RHAG: variants seen among roughly 807,000 people sequenced by gnomAD.
RHAG encodes Rh associated glycoprotein.
A neutral mutation model predicts 42.4 loss-of-function variants in RHAG; 25 were observed. The observed-to-expected ratio is 0.59, with a 90% CI of 0.43 to 0.82. The LOEUF (loss-of-function observed/expected upper bound fraction) is 0.82. Ranked by LOEUF, RHAG falls within the 40% of genes least tolerant of loss-of-function variation. RHAG has a pLI of 0.00. For missense variants in RHAG, 483 were observed against 504.6 expected (o/e 0.96, Z 0.41); for synonymous variants, 182 against 177.7 (o/e 1.02, Z -0.19).
At chr6:49,636,521 A>G (rs766301479) in intron 1 of RHAG, 135 bp downstream of exon 1, 1 of 951,580 alleles carries the variant, frequency 1.1e-6, no homozygotes, top group Non-Finnish European at 1.7e-6. Flanking sequence ...CATCACAAAC[A>G]TGTAATATCC....
chr6:49,619,278 C>A lies in RHAG; in HGVS notation c.242G>T (p.Gly81Val). ...FLKKYGFSSV[G>V]INLLVAALGL... ...CAAAGCAGCAACGAGTAGGTTGATA[C>A]CCACACTGCTGAAGCCATATTTCTT... The change falls in exon 2 of 10, where the codon GGT (glycine) becomes GTT (valine). Residue 81 changes from glycine to valine, a missense_variant. Gly to Val is a moderately radical substitution (Grantham distance 109). Coordinates refer to ENST00000371175, the MANE Select transcript of RHAG (RefSeq NM_000324.3). The A allele has an allele frequency of 6.8e-6, 11 of 1,614,052 alleles. No homozygotes were observed. The highest frequency in any genetic ancestry group is 9.3e-6 in the Non-Finnish European group (11 of 1,179,980).
intron 2 of RHAG, 130 bp from the exon 3 acceptor site, chr6:49,618,348 T>C: frequency 1.1e-6 from 1 of 899,470 alleles, no homozygotes; most frequent in Non-Finnish European, 1.8e-6. Flanking sequence ...ACTTCCTTAT[T>C]CCTCCTCTTT....
chr6:49,624,683 A>G (rs73433897), intron 1 of RHAG, among the ~76,000 whole-genome samples: 4,322 of 152,288 alleles, frequency 0.028, 222 homozygotes, highest in African/African-American at 0.099. Context: ...CATGTGTTTT[A>G]TTTACCTCCT....
In RHAG at chr6:49,619,295, A is replaced by C; in HGVS notation, c.225T>G (p.Tyr75Ter). The change falls in exon 2 of 10, where the codon TAT (tyrosine) becomes TAG (stop). Residue 75 changes from tyrosine to a stop codon, truncating the protein, a stop_gained. Coordinates refer to ENST00000371175, the MANE Select transcript of RHAG (RefSeq NM_000324.3). LOFTEE classifies it high-confidence loss of function. ...GGTTGATACCCACACTGCTGAAGCC[A>C]TATTTCTTCAGGAAGGTCATGAGGA... ...FGFLMTFLKK[Y>*]GFSSVGINLL... 6.2e-7 allele frequency: 1 copy of C among 1,614,194 alleles called. No homozygotes were observed. The highest frequency in any genetic ancestry group is 8.5e-7 in the Non-Finnish European group (1 of 1,180,020).
At chr6:49,612,974 G>A (rs1230531258) in intron 5 of RHAG, among the ~76,000 whole-genome samples, 1 of 152,052 alleles carries the variant, frequency 6.6e-6, no homozygotes, top group Non-Finnish European at 1.5e-5. Context: ...AGGAAATGTA[G>A]AGACATTGAA....
At chr6:49,634,204 G>A (rs952115537) in intron 1 of RHAG, among the ~76,000 whole-genome samples, 6 of 151,906 alleles carry the variant, frequency 3.9e-5, no homozygotes, top group Admixed American at 6.6e-5. Context: ...CTTACTGTAC[G>A]ACAAACACTA....
chr6:49,617,345 A>G (rs1442030991), intron 3 of RHAG, among the ~76,000 whole-genome samples: 1 of 152,148 alleles, frequency 6.6e-6, no homozygotes, highest in East Asian at 1.9e-4. Context: ...TTTTCATAGC[A>G]TGTATTGCAA....
At chr6:49,614,926 T>A in intron 4 of RHAG, 73 bp from the exon 5 acceptor site, 1 of 1,325,170 alleles carries the variant, frequency 7.5e-7, no homozygotes, top group South Asian at 1.2e-5. Flanking sequence ...TTTGCTTTAT[T>A]TATTTATTTA....
intron 8 of RHAG, 111 bp from the exon 9 acceptor site, chr6:49,607,032 C>T (rs1242810902): frequency 1.7e-6 from 2 of 1,205,022 alleles, no homozygotes; most frequent in South Asian, 2.5e-5. Context: ...GACATAATTA[C>T]TTTACTGCCA....
chr6:49,620,206 A>G (rs906895654), intron 1 of RHAG, among the ~76,000 whole-genome samples: 1 of 152,136 alleles, frequency 6.6e-6, no homozygotes, highest in Non-Finnish European at 1.5e-5. Context: ...ACTCTCTATG[A>G]GCTTCAGTGT....
chr6:49,606,620 T>C, intron 9 of RHAG: 1 of 426,370 alleles, frequency 2.3e-6, no homozygotes, highest in Admixed American at 3.9e-5. Flanking sequence ...AATTTATTAT[T>C]TATAATTTTT....
At chr6:49,632,551 T>C (rs1762949224) in intron 1 of RHAG, among the ~76,000 whole-genome samples, 1 of 152,180 alleles carries the variant, frequency 6.6e-6, no homozygotes, top group Non-Finnish European at 1.5e-5. Flanking sequence ...TTATGTTATA[T>C]ATGGAAATAT....
intron 1 of RHAG, among the ~76,000 whole-genome samples, chr6:49,627,703 T>G (rs1490831684): frequency 6.6e-6 from 1 of 152,180 alleles, no homozygotes; most frequent in Non-Finnish European, 1.5e-5. Context: ...TGGGGAGGCC[T>G]CACAATCGTG....
At chr6:49,636,627 G>GTA (rs1487428332) in intron 1 of RHAG, 29 bp downstream of exon 1, 5 of 1,611,794 alleles carry the variant, frequency 3.1e-6, no homozygotes, top group Admixed American at 1.7e-5. Flanking sequence ...ACCGAAAAAT[G>GTA]TATAGTAAGT....
In RHAG at chr6:49,611,117, T is replaced by C. The variant is rs1189091693; in HGVS notation, c.974A>G (p.His325Arg). 3.3e-5 allele frequency: 53 copies of C among 1,613,586 alleles called. No individual in the cohort carries two copies. The highest frequency in any genetic ancestry group is 4.2e-5 in the Non-Finnish European group (50 of 1,179,776). ...TPLFTTKLRI[H>R]DTCGVHNLHG... The stretch of plus-strand genomic sequence containing the variant: ...GAGGTTATGGACCCCACATGTATCA[T>C]GGATCCTCAGTTTAGTAGTAAAAAG... The change falls in exon 7 of 10, where the codon CAT (histidine) becomes CGT (arginine). Residue 325 changes from histidine to arginine, a missense_variant. Transcript: ENST00000371175.
Position 49,615,778 on chromosome 6 carries a change from G to C in RHAG, c.493-7C>G. On this transcript the variant is annotated splice_polypyrimidine_tract_variant and splice_region_variant and intron_variant, in intron 3 of 9. Transcript: ENST00000371175. ...ATGCTCCAATGTCAGAGGCCTGAGGGACAAAATAGCATTCACATAAATAGA... is the reference window on the plus strand; with the variant it reads ...ATGCTCCAATGTCAGAGGCCTGAGGCACAAAATAGCATTCACATAAATAGA... The C allele has an allele frequency of 6.2e-7, 1 of 1,613,954 alleles. No individual in the cohort carries two copies. The highest frequency in any genetic ancestry group is 8.5e-7 in the Non-Finnish European group (1 of 1,179,864).
chr6:49,609,126 T>C (rs943927747), intron 7 of RHAG, among the ~76,000 whole-genome samples: 4 of 152,246 alleles, frequency 2.6e-5, no homozygotes, highest in African/African-American at 9.6e-5. Context: ...ATATTCTGAA[T>C]AGACACATGT....
chr6:49,624,905 T>C (rs1762820388), intron 1 of RHAG, among the ~76,000 whole-genome samples: 1 of 152,240 alleles, frequency 6.6e-6, no homozygotes, highest in Admixed American at 6.5e-5. Flanking sequence ...GTTGATGACA[T>C]GCATAAAACC....
In RHAG at chr6:49,605,467, A is replaced by G. The variant is rs980295771; in HGVS notation, c.*346T>C. 9.4e-6 allele frequency: 3 copies of G among 318,618 alleles called. No individual in the cohort carries two copies. The highest frequency in any genetic ancestry group is 8.7e-5 in the Admixed American group (2 of 22,874). 19.7% of individuals were successfully genotyped at this position (318,618 alleles called of 1,614,324 possible). A position where few individuals can be genotyped will look rare whatever the true frequency, so the allele number is the denominator to read the frequency against. On this transcript the variant is annotated 3_prime_UTR_variant, in exon 10 of 10. Transcript: ENST00000371175. ...TTATAATTTTTGGGATTGAAGACAT[A>G]GTGTCTACATTAAGAAACTGACATG...
Sources: gnomAD v4.1 joint callset for allele counts (sites outside exome capture counted in the v4.1 genomes callset) on GRCh38, gnomAD v4.1.1 for gene constraint, MANE v1.5 for transcripts, NCBI Gene and HGNC (gene_info 2026-07-23, HGNC 2026-07-21) for gene names.